RIF1: variants seen among roughly 807,000 people sequenced by gnomAD.
The protein encoded by RIF1 is telomere-associated protein RIF1.
In RIF1, 45 loss-of-function variants were observed where a neutral mutation model predicts 247.1. That is an observed-to-expected ratio of 0.18 (90% CI 0.14 to 0.23). The LOEUF (loss-of-function observed/expected upper bound fraction) is 0.23. Ranked by LOEUF, RIF1 falls within the 10% of genes least tolerant of loss-of-function variation. The probability of loss-of-function intolerance (pLI) is 1.00; values close to 1 mark genes in which losing one functional copy is unlikely to be tolerated. For missense variants in RIF1, 2,967 were observed against 2,862.5 expected, an observed-to-expected ratio of 1.04 and a Z score of -0.83; for synonymous variants, 1,087 against 978.8, an observed-to-expected ratio of 1.11 and a Z score of -2.06.
At chr2:151,488,204 T>C (rs2152713971) in intron 9 of RIF1, among the ~76,000 whole-genome samples, 1 of 152,284 alleles carries the variant, frequency 6.6e-6, no homozygotes, top group East Asian at 1.9e-4. Flanking sequence ...TTAATATTTT[T>C]GTTATGTATG....
chr2:151,519,195 T>C, the RIF1 span: 33 of 710,892 alleles, frequency 4.6e-5, 1 homozygote, highest in African/African-American at 3.7e-4. Context: ...TCATACCTCA[T>C]TCATAGTAGC....
At position 151,410,495 on chromosome 2, in the gene RIF1, A is replaced by G. The variant is rs769625149; in HGVS notation, c.72A>G (p.Gly24=). The G allele has an allele frequency of 1.2e-6, 2 of 1,613,854 alleles. No individual in the cohort carries two copies. The highest frequency in any genetic ancestry group is 1.7e-6 in the Non-Finnish European group (2 of 1,179,906). The change falls in exon 2 of 36, where the codon GGA becomes GGG. Residue 24 remains glycine, a synonymous_variant. Transcript: ENST00000444746. The part of the protein sequence containing the change: ...ETLEDPSASH[G]GQTDAYLTLT... ...TGGAAGACCCTTCTGCCTCCCATGG[A>G]GGGCAGACTGACGCTTACCTGACTC...
intron 21 of RIF1, among the ~76,000 whole-genome samples, chr2:151,453,783 A>C (rs1694750480): frequency 6.6e-6 from 1 of 152,212 alleles, no homozygotes; most frequent in Non-Finnish European, 1.5e-5. Context: ...GGCATCTGCC[A>C]GGTTTTCCAC....
chr2:151,427,279 C>T (rs1230886204), intron 8 of RIF1, among the ~76,000 whole-genome samples: 2 of 151,136 alleles, frequency 1.3e-5, no homozygotes, highest in African/African-American at 2.4e-5. Context: ...AACATGATCT[C>T]GGCTCACTGC....
intron 3 of RIF1, among the ~76,000 whole-genome samples, chr2:151,413,769 A>C (rs960551416): frequency 2.6e-5 from 4 of 152,220 alleles, no homozygotes; most frequent in African/African-American, 7.2e-5. Flanking sequence ...AAGACACTGC[A>C]GGGAAGTATC....
chr2:151,505,924 C>T (rs147504759), intron 12 of RIF1: 36 of 569,246 alleles, frequency 6.3e-5, no homozygotes, highest in African/African-American at 3.2e-4. Context: ...TTGACTGTAC[C>T]GGATTCTACC....
chr2:151,418,073 G>T (rs1001320934), intron 6 of RIF1, among the ~76,000 whole-genome samples: 2 of 152,194 alleles, frequency 1.3e-5, no homozygotes, highest in Admixed American at 6.5e-5. Flanking sequence ...CTTTGGGTGA[G>T]TCAGTGAAGG....
chr2:151,486,077 G>C (rs918583342), downstream of RIF1: 5 of 799,816 alleles, frequency 6.3e-6, no homozygotes, highest in Admixed American at 2.7e-5. Flanking sequence ...AAAGTAAAAG[G>C]AACCCACAAA....
At chr2:151,414,746 C>G in intron 3 of RIF1, 77 bp from the exon 4 acceptor site, 1 of 925,484 alleles carries the variant, frequency 1.1e-6, no homozygotes. Flanking sequence ...TATGCTTGTT[C>G]TGTAATCAAC....
At chr2:151,417,300 C>T (rs928504456) in intron 6 of RIF1, among the ~76,000 whole-genome samples, 22 of 152,144 alleles carry the variant, frequency 1.4e-4, no homozygotes, top group African/African-American at 5.1e-4. Flanking sequence ...ACAGGCATGC[C>T]AACGCATAAA....
At position 151,424,825 on chromosome 2, in the gene RIF1, ATTTTTTTTTTTTTT is replaced by A. The variant is rs71000475; in HGVS notation, c.786+1801_786+1814del. On this transcript the variant is annotated intron_variant, in intron 8 of 35. Transcript: ENST00000444746. ...CTGGGACTACCACCCAGCCCGGCTG[ATTTTTTTTTTTTTT>A]TTTTTTTTTTTTTTTTTCCATATTT... 2.5e-3 allele frequency among the ~76,000 whole-genome samples: 118 copies of A among 47,290 alleles called. 1 individual carries two copies. The highest frequency in any genetic ancestry group is 8.4e-3 in the East Asian group (16 of 1,908). 31.0% of individuals were successfully genotyped at this position (47,290 alleles called of 152,430 possible).
At position 151,465,455 on chromosome 2, in the gene RIF1, A is replaced by G. The variant is rs2152504615; in HGVS notation, c.5935A>G (p.Thr1979Ala). The G allele has an allele frequency of 6.2e-7, 1 of 1,614,078 alleles. No homozygotes were observed. Among genetic ancestry groups the G allele is most frequent in the African/African-American group, 1.3e-5 (1 of 75,058 alleles). The change falls in exon 30 of 36, where the codon ACT becomes GCT. Residue 1979 changes from threonine (T) to alanine (A), a missense_variant. Transcript: ENST00000444746. ...FNSDISLSDNTTPVKLNAQTE... is the reference protein window; with the variant it reads ...FNSDISLSDNATPVKLNAQTE... ...TTCAGATATTAGTCTTTCTGATAAT[A>G]CTACACCTGTAAAATTGAATGCTCA... is the stretch of plus-strand genomic sequence containing the variant.
At chr2:151,518,815 T>G in the RIF1 span, 1 of 606,588 alleles carries the variant, frequency 1.6e-6, no homozygotes, top group Non-Finnish European at 2.9e-6. Context: ...TAGATTAATG[T>G]TGTCATTTGG....
intron 13 of RIF1, 118 bp from the exon 14 acceptor site, chr2:151,438,562 AAATT>A: frequency 1.5e-6 from 1 of 681,238 alleles, no homozygotes; most frequent in South Asian, 1.7e-5. Flanking sequence ...ATCATGAGGA[AAATT>A]AAATTAAGTA....
At chr2:151,435,814 T>A (rs755539507) in intron 11 of RIF1, among the ~76,000 whole-genome samples, 4 of 151,900 alleles carry the variant, frequency 2.6e-5, no homozygotes, top group Non-Finnish European at 5.9e-5. Flanking sequence ...CGCATTGTTG[T>A]GGTTAGAAGA....
rs2048876390 is a variant in RIF1 at position 151,475,322 on chromosome 2, C to G, written c.*251C>G. ...TTTTTCAGGAAATTTAATTATCTTA[C>G]TGAGATGTGAAAGCAAAACTAGTAA... On this transcript the variant is annotated 3_prime_UTR_variant, in exon 36 of 36. Transcript: ENST00000444746. The G allele has an allele frequency of 2.3e-6, 1 of 427,342 alleles. No homozygotes were observed. Among genetic ancestry groups the G allele is most frequent in the East Asian group, 4.9e-5 (1 of 20,238 alleles). 26.5% of individuals were successfully genotyped at this position (427,342 alleles called of 1,614,324 possible).
At chr2:151,415,587 G>T (rs1438517563) in intron 4 of RIF1, among the ~76,000 whole-genome samples, 1 of 10,008 alleles carries the variant, frequency 1.0e-4, no homozygotes, top group Middle Eastern at 0.062. Context: ...AAAAAAAAAG[G>T]ATATTGCTGG....
the RIF1 span, chr2:151,524,166 T>C: frequency 1.5e-6 from 1 of 671,696 alleles, no homozygotes; most frequent in Non-Finnish European, 2.5e-6. Flanking sequence ...AGGCCCTCAG[T>C]GCACTTTTTA....
At chr2:151,411,526 C>T (rs1394951128) in intron 3 of RIF1, among the ~76,000 whole-genome samples, 188 bp downstream of exon 3, 1 of 152,104 alleles carries the variant, frequency 6.6e-6, no homozygotes, top group African/African-American at 2.4e-5. Flanking sequence ...CCTCAGCCTC[C>T]TGAATAGCTG....
Sources: gnomAD v4.1 joint callset for allele counts (sites outside exome capture counted in the v4.1 genomes callset) on GRCh38, gnomAD v4.1.1 for gene constraint, MANE v1.5 for transcripts, NCBI Gene and HGNC (gene_info 2026-07-23, HGNC 2026-07-21) for gene names.